Variants in DDX1 observed in about 807,000 individuals in gnomAD.
DDX1 encodes DEAD-box helicase 1.
In DDX1, 28 loss-of-function variants were observed where a neutral mutation model predicts 108.7. The ratio of observed to expected loss-of-function variants is 0.26; its 90% CI spans 0.19 to 0.35. DDX1 has a LOEUF of 0.35. DDX1 is among the 10% of genes least tolerant of loss of function. The pLI is 1.00. For synonymous variants in DDX1, 295 were observed against 288.9 expected, an observed-to-expected ratio of 1.02 and a Z score of -0.21; for missense variants, 710 against 884.5, an observed-to-expected ratio of 0.80 and a Z score of 2.50.
intron 1 of DDX1, among the ~76,000 whole-genome samples, chr2:15,593,928 A>T (rs1665458372): frequency 6.6e-6 from 1 of 152,120 alleles, no homozygotes; most frequent in Admixed American, 6.5e-5. Context: ...TATGAAAAAA[A>T]ATTAGCGGGC....
At chr2:15,595,686 AG>A in intron 3 of DDX1, 133 bp downstream of exon 3, 1 of 663,672 alleles carries the variant, frequency 1.5e-6, no homozygotes, top group South Asian at 2.1e-5. Context: ...ATTAGGTAAA[AG>A]CTTCAAACAG....
At chr2:15,617,432 C>T (rs1360096483) in intron 15 of DDX1, 90 bp downstream of exon 15, 4 of 623,152 alleles carry the variant, frequency 6.4e-6, no homozygotes, top group Non-Finnish European at 1.1e-5. Context: ...ATAATTCAGT[C>T]ATGATCCTAC....
chr2:15,597,268 A>G, intron 4 of DDX1, 107 bp from the exon 5 acceptor site: 2 of 707,674 alleles, frequency 2.8e-6, no homozygotes, highest in Non-Finnish European at 4.8e-6. Flanking sequence ...AATCTGGAAT[A>G]TGTATGATTA....
chr2:15,630,222 G>T (rs556569714), intron 25 of DDX1, 112 bp downstream of exon 25: 4 of 1,105,320 alleles, frequency 3.6e-6, no homozygotes, highest in Non-Finnish European at 5.3e-6. Flanking sequence ...TATTTTTAGC[G>T]TGTTAATCAT....
At chr2:15,612,347 GC>G (rs1290870836) in intron 13 of DDX1, among the ~76,000 whole-genome samples, 1 of 151,094 alleles carries the variant, frequency 6.6e-6, no homozygotes, top group African/African-American at 2.4e-5. Flanking sequence ...GGGCAGAGGC[GC>G]CCCCCACATC....
intron 6 of DDX1, among the ~76,000 whole-genome samples, chr2:15,600,712 T>C (rs1665576098): frequency 6.6e-6 from 1 of 151,336 alleles, no homozygotes; most frequent in African/African-American, 2.4e-5. Flanking sequence ...ACCAAAGGAC[T>C]GTATACTTTT....
At chr2:15,627,403 G>A in intron 20 of DDX1, 1 of 282,760 alleles carries the variant, frequency 3.5e-6, no homozygotes, top group Non-Finnish European at 6.7e-6. Context: ...ATTATTTCAG[G>A]TAGATATTTT....
intron 3 of DDX1, among the ~76,000 whole-genome samples, chr2:15,595,799 C>G (rs1368273819): frequency 6.6e-6 from 1 of 152,008 alleles, no homozygotes; most frequent in East Asian, 1.9e-4. Flanking sequence ...GTAAGAGATG[C>G]AGAGTAGTAT....
chr2:15,595,147 A>G lies in DDX1; in HGVS notation c.19A>G (p.Met7Val), dbSNP rs775600567. The G allele has an allele frequency of 6.2e-7, 1 of 1,608,108 alleles. No individual in the cohort carries two copies. ...TTAAAATTAATTTTTACTTTCAGAG[A>G]TGGGTGTAATGCCTGAGATTGCACA... MAAFSE[M>V]GVMPEIAQAV... Residue 7 changes from methionine to valine, a missense_variant and splice_region_variant, in exon 2 of 26, where the codon ATG becomes GTG. Met to Val is a conservative substitution (Grantham distance 21). Around this residue, in one of 3 missense-constraint regions of DDX1, gnomAD observed 48 missense variants for 57.5 expected, o/e 0.83. Coordinates refer to ENST00000233084, the MANE Select transcript of DDX1 (RefSeq NM_004939.3).
chr2:15,603,773 A>G, intron 8 of DDX1, 41 bp from the exon 9 acceptor site: 1 of 1,353,008 alleles, frequency 7.4e-7, no homozygotes, highest in Non-Finnish European at 1.0e-6. Context: ...TTAATTTTAT[A>G]TTTTCTCTTA....
chr2:15,603,353 ATAAAT>A, intron 8 of DDX1, 78 bp downstream of exon 8: 1 of 998,392 alleles, frequency 1.0e-6, no homozygotes, highest in Admixed American at 2.3e-5. Context: ...AAGCAAAATA[ATAAAT>A]TTAACCATAA....
chr2:15,606,198 C>G lies in DDX1; in HGVS notation c.751C>G (p.Pro251Ala), dbSNP rs537632009. 6.2e-7 allele frequency: 1 copy of G among 1,614,114 alleles called. No homozygotes were observed. The highest frequency in any genetic ancestry group is 8.5e-7 in the Non-Finnish European group (1 of 1,180,000). The change falls in exon 12 of 26, where the codon CCA becomes GCA. Residue 251 changes from proline (P) to alanine (A), a missense_variant. Pro to Ala is a conservative substitution (Grantham distance 27). Transcript: ENST00000233084. ...CGGTGAAGAGGAATTTAAGTTTCCA[C>G]CAAAAGATGGCTTTGTTGCTCTTTC... ...NFGEEEFKFP[P>A]KDGFVALSKA...
chr2:15,602,483 G>T lies in DDX1; in HGVS notation c.308-65G>T, dbSNP rs1665602745. 3 of 1,145,872 alleles carry T rather than the reference G, an allele frequency of 2.6e-6. No individual in the cohort carries two copies. In the East Asian group the frequency reaches 7.0e-5, roughly 27 times the overall value. The allele number at this position is 1,145,872 out of a possible 1,614,324, so 71.0% of individuals were successfully genotyped here. A position where few individuals can be genotyped will look rare whatever the true frequency, so the allele number is the denominator to read the frequency against. On this transcript the variant is annotated intron_variant, in intron 6 of 25. Coordinates refer to ENST00000233084, the MANE Select transcript of DDX1 (RefSeq NM_004939.3). ...GAATGATTTTTTTTGGTGGTAGGGG[G>T]TGGGAATGTATGATTTATAAAACCT...
intron 6 of DDX1, 143 bp downstream of exon 6, chr2:15,599,859 A>G (rs1665561602): frequency 3.6e-6 from 2 of 558,384 alleles, no homozygotes; most frequent in Non-Finnish European, 6.3e-6. Context: ...TATAGAACTG[A>G]CATAGGAATA....
At chr2:15,625,258 C>G (rs76672229) in intron 19 of DDX1, among the ~76,000 whole-genome samples, 2,077 of 152,164 alleles carry the variant, frequency 0.014, 56 homozygotes, top group African/African-American at 0.048. Flanking sequence ...AAAGTCAGAA[C>G]TAATCTGTGA....
rs141634043 is a variant in DDX1 at position 15,608,845 on chromosome 2, G to A, written c.956+1532G>A. Among the ~76,000 whole-genome samples the A allele has an allele frequency of 2.2e-3, 338 of 152,068 alleles. 1 individual carries two copies. The highest frequency in any genetic ancestry group is 8.0e-3 in the African/African-American group (330 of 41,484). ...AGGCACATGCCACTGTTTCAGGCAG[G>A]CCTGTCTTTTTAATATTGATCTTAT... On this transcript the variant is annotated intron_variant, in intron 13 of 25. Transcript: ENST00000233084.
chr2:15,606,530 G>C (rs1665665749), intron 12 of DDX1, among the ~76,000 whole-genome samples: 1 of 152,116 alleles, frequency 6.6e-6, no homozygotes, highest in Non-Finnish European at 1.5e-5. Context: ...TCAGTGCCAG[G>C]GCACCACATT....
chr2:15,620,189 TG>T lies in DDX1; in HGVS notation c.1207-15del. 1 of 1,596,610 alleles carries T rather than the reference TG, an allele frequency of 6.3e-7. No individual in the cohort carries two copies. Among genetic ancestry groups the T allele is most frequent in the Non-Finnish European group, 8.5e-7 (1 of 1,171,284 alleles). ...ATTATTATAAAAGTTCATCTCAATT[TG>T]GGGTTTCCTCTTCTTAGGTGATTGT... On this transcript the variant is annotated intron_variant, in intron 16 of 25. Transcript: ENST00000233084.
intron 16 of DDX1, among the ~76,000 whole-genome samples, chr2:15,619,983 A>AC (rs1276540391): frequency 2.6e-5 from 4 of 152,172 alleles, no homozygotes; most frequent in Non-Finnish European, 4.4e-5. Context: ...TTTTGTAGGG[A>AC]CGTGAGGAAG....
Sources: allele counts gnomAD v4.1 joint callset (sites outside exome capture counted in the v4.1 genomes callset), GRCh38; gene constraint gnomAD v4.1.1; regional missense constraint gnomAD v4.1.1; transcripts MANE v1.5; gene names NCBI Gene and HGNC (gene_info 2026-07-23, HGNC 2026-07-21).